The following NFXL1 variants were observed in gnomAD, a reference collection of about 807,000 sequenced individuals.
NFXL1 encodes NF-X1-type zinc finger protein NFXL1.
Under a neutral mutation model 123.3 loss-of-function variants are expected in NFXL1, and 66 were observed. The observed-to-expected ratio is 0.54, with a 90% CI of 0.44 to 0.66. The LOEUF is 0.66. NFXL1 is among the 30% of genes least tolerant of loss of function. NFXL1 has a pLI of 0.00. For synonymous variants in NFXL1, 346 were observed against 360.8 expected, an observed-to-expected ratio of 0.96 and a Z score of 0.46; for missense variants, 944 against 1,125.6, an observed-to-expected ratio of 0.84 and a Z score of 2.31.
At chr4:47,886,041 C>A in intron 12 of NFXL1, 42 bp from the exon 13 acceptor site, 1 of 1,588,824 alleles carries the variant, frequency 6.3e-7, no homozygotes, top group East Asian at 2.2e-5. Flanking sequence ...CCTTAACTAC[C>A]CAAATGCCTA....
At chr4:47,889,762 TATAAC>T (rs1191519614) in intron 12 of NFXL1, among the ~76,000 whole-genome samples, 3 of 152,306 alleles carry the variant, frequency 2.0e-5, no homozygotes, top group East Asian at 1.9e-4. Context: ...AGTAATAACT[TATAAC>T]ATAATTCTCA....
At chr4:47,909,932 GT>G (rs1737744653) in intron 3 of NFXL1, among the ~76,000 whole-genome samples, 1 of 152,004 alleles carries the variant, frequency 6.6e-6, no homozygotes, top group Admixed American at 6.6e-5. Flanking sequence ...AAGTGCTGGG[GT>G]TATAGGCGTG....
chr4:47,896,508 CAGG>C lies in NFXL1; in HGVS notation c.1329+12_1329+14del, dbSNP rs1475703206. 1 of 1,604,598 alleles carries C rather than the reference CAGG, an allele frequency of 6.2e-7. No homozygotes were observed. The highest frequency in any genetic ancestry group is 8.5e-7 in the Non-Finnish European group (1 of 1,171,902). On this transcript the variant is annotated intron_variant, in intron 10 of 22. Coordinates refer to ENST00000507489, the MANE Select transcript of NFXL1 (RefSeq NM_001278624.2). ...AGGTAGCTCTTAAAAGTAATTATTA[CAGG>C]AGATGACTAACTTGTCTACATGTTT...
intron 10 of NFXL1, 33 bp from the exon 11 acceptor site, chr4:47,894,335 A>C: frequency 6.6e-7 from 1 of 1,509,984 alleles, no homozygotes; most frequent in Non-Finnish European, 8.9e-7. Flanking sequence ...ATTAAAATTG[A>C]TTTTTGTTAA....
intron 18 of NFXL1, among the ~76,000 whole-genome samples, chr4:47,865,680 A>G (rs1207981768): frequency 6.6e-6 from 1 of 152,180 alleles, no homozygotes; most frequent in African/African-American, 2.4e-5. Flanking sequence ...AGCACTAACT[A>G]AAGGGAATGG....
intron 20 of NFXL1, among the ~76,000 whole-genome samples, chr4:47,852,965 GTT>G (rs748324960): frequency 7.1e-6 from 1 of 141,470 alleles, no homozygotes; most frequent in Admixed American, 7.1e-5. Context: ...TACTTGGAGG[GTT>G]TTTTTTTTTT....
At chr4:47,868,320 A>C (rs1355527204) in intron 18 of NFXL1, among the ~76,000 whole-genome samples, 1 of 149,254 alleles carries the variant, frequency 6.7e-6, no homozygotes, top group Non-Finnish European at 1.5e-5. Context: ...CTCCGTCTCA[A>C]AAAAAAAAAA....
chr4:47,878,388 G>T, intron 17 of NFXL1, 137 bp downstream of exon 17: 1 of 640,730 alleles, frequency 1.6e-6, no homozygotes, highest in Non-Finnish European at 2.7e-6. Flanking sequence ...CTTAGGAAAG[G>T]AAAAGAAGGA....
At chr4:47,908,920 A>G (rs1378499034) in intron 3 of NFXL1, among the ~76,000 whole-genome samples, 1 of 141,768 alleles carries the variant, frequency 7.1e-6, no homozygotes. Context: ...GCGCCACTGC[A>G]CTCCAGCCTG....
At chr4:47,869,721 TAATA>T (rs1424675017) in intron 18 of NFXL1, among the ~76,000 whole-genome samples, 2 of 151,894 alleles carry the variant, frequency 1.3e-5, no homozygotes, top group Non-Finnish European at 2.9e-5. Flanking sequence ...TTAAAGGAAA[TAATA>T]AAATAAGAGC....
intron 13 of NFXL1, 87 bp downstream of exon 13, chr4:47,885,792 C>T: frequency 6.8e-7 from 1 of 1,478,830 alleles, no homozygotes; most frequent in Non-Finnish European, 9.2e-7. Flanking sequence ...TTTTAAAACA[C>T]TAAAGCAAAA....
intron 12 of NFXL1, among the ~76,000 whole-genome samples, chr4:47,886,371 TTC>T (rs1291907827): frequency 1.3e-5 from 2 of 151,842 alleles, no homozygotes; most frequent in African/African-American, 4.9e-5. Context: ...TGTAATACTT[TTC>T]TCTTTTTTTT....
intron 18 of NFXL1, among the ~76,000 whole-genome samples, chr4:47,868,894 GC>G (rs1354921552): frequency 6.6e-6 from 1 of 152,102 alleles, no homozygotes; most frequent in Non-Finnish European, 1.5e-5. Context: ...ATCTTTATAA[GC>G]AAAAACTACA....
At chr4:47,877,989 T>C (rs1005934925) in intron 17 of NFXL1, among the ~76,000 whole-genome samples, 2 of 152,074 alleles carry the variant, frequency 1.3e-5, no homozygotes, top group African/African-American at 4.8e-5. Context: ...TTTGAAAAGC[T>C]GAGTTCTCAT....
chr4:47,898,566 A>C (rs1184169362), intron 8 of NFXL1, among the ~76,000 whole-genome samples, 191 bp downstream of exon 8: 4 of 152,160 alleles, frequency 2.6e-5, no homozygotes, highest in South Asian at 2.1e-4. Flanking sequence ...CTTTGAAAAA[A>C]ATTTTTCCTC....
intron 19 of NFXL1, among the ~76,000 whole-genome samples, chr4:47,859,385 G>A (rs964881120): frequency 6.6e-6 from 1 of 152,132 alleles, no homozygotes; most frequent in Non-Finnish European, 1.5e-5. Context: ...TCCGTTACAT[G>A]TTATTACCTC....
At chr4:47,871,284 C>T (rs979472824) in intron 18 of NFXL1, among the ~76,000 whole-genome samples, 15 of 148,156 alleles carry the variant, frequency 1.0e-4, no homozygotes, top group Non-Finnish European at 1.8e-4. Context: ...ACCTGGGAGG[C>T]GGAGCTTGCA....
intron 15 of NFXL1, among the ~76,000 whole-genome samples, chr4:47,883,479 A>G (rs1736237238): frequency 6.6e-6 from 1 of 152,176 alleles, no homozygotes; most frequent in Non-Finnish European, 1.5e-5. Flanking sequence ...ATAGTCTCAA[A>G]TAACTGAATA....
intron 5 of NFXL1, among the ~76,000 whole-genome samples, chr4:47,899,957 T>C (rs1026578809): frequency 2.6e-5 from 4 of 152,196 alleles, no homozygotes; most frequent in Non-Finnish European, 5.9e-5. Flanking sequence ...GAAAGTAACA[T>C]TAGTTTTCTA....
Sources: allele counts gnomAD v4.1 joint callset (sites outside exome capture counted in the v4.1 genomes callset), GRCh38; gene constraint gnomAD v4.1.1; transcripts MANE v1.5; gene names NCBI Gene and HGNC (gene_info 2026-07-23, HGNC 2026-07-21).